The following KITLG variants were observed in gnomAD, a reference collection of about 807,000 sequenced individuals.
KITLG encodes KIT ligand, also known as c-Kit ligand.
A neutral mutation model predicts 34.1 loss-of-function variants in KITLG; 13 were observed. The observed-to-expected ratio is 0.38, with a 90% CI of 0.25 to 0.61. KITLG has a LOEUF of 0.61. KITLG is among the 20% of genes least tolerant of loss of function. The probability of loss-of-function intolerance (pLI) is 0.60; values close to 1 mark genes in which losing one functional copy is unlikely to be tolerated. For missense variants in KITLG, 292 were observed against 318.9 expected (o/e 0.92, Z 0.64); for synonymous variants, 110 against 104.0 (o/e 1.06, Z -0.35).
At chr12:88,553,608 G>A (rs1022050464) in intron 1 of KITLG, among the ~76,000 whole-genome samples, 3 of 152,004 alleles carry the variant, frequency 2.0e-5, no homozygotes, top group Non-Finnish European at 4.4e-5. Context: ...GGTAGTTCTC[G>A]ATTTTTGTTT....
Position 88,495,305 on chromosome 12 carries a change from C to T in KITLG, c.*1914G>A, listed in dbSNP as rs892438794. On this transcript the variant is annotated 3_prime_UTR_variant, in exon 10 of 10. Coordinates refer to ENST00000644744, the MANE Select transcript of KITLG (RefSeq NM_000899.5). ...GAAGTATCTATCTTCTCAATCTATA[C>T]ACAACCTACACGCATAACTCATATT... 2 of 152,004 alleles carry T rather than the reference C, an allele frequency of 1.3e-5. No individual in the cohort carries two copies. The highest frequency in any genetic ancestry group is 6.6e-5 in the Admixed American group (1 of 15,234). The allele number at this position is 152,004 out of a possible 1,614,324, so 9.4% of individuals were successfully genotyped here. A position where few individuals can be genotyped will look rare whatever the true frequency, so the allele number is the denominator to read the frequency against.
intron 6 of KITLG, among the ~76,000 whole-genome samples, chr12:88,509,037 G>GC (rs1431692650): frequency 1.3e-5 from 2 of 151,984 alleles, no homozygotes; most frequent in African/African-American, 4.8e-5. Context: ...ATCTGCTGTG[G>GC]CCCCCATTAT....
intron 3 of KITLG, among the ~76,000 whole-genome samples, chr12:88,526,716 A>T (rs1159178843): frequency 6.6e-6 from 1 of 152,200 alleles, no homozygotes; most frequent in Non-Finnish European, 1.5e-5. Flanking sequence ...AAAATCTAAA[A>T]GAATCAGGTG....
intron 1 of KITLG, among the ~76,000 whole-genome samples, chr12:88,549,381 C>T (rs143330822): frequency 5.9e-5 from 9 of 152,076 alleles, no homozygotes; most frequent in Middle Eastern, 3.4e-3. Flanking sequence ...AAAATGAAAC[C>T]GACAAGTTGG....
chr12:88,570,166 A>G lies in KITLG; in HGVS notation c.15+10098T>C, dbSNP rs532582416. Reference sequence around the variant, plus strand: ...AAAATCTGCCCTCTGCCAACAAAGTACCACTTTATTTGAAAGACAGAAAGC... The same window carrying G: ...AAAATCTGCCCTCTGCCAACAAAGTGCCACTTTATTTGAAAGACAGAAAGC... On this transcript the variant is annotated intron_variant, in intron 1 of 9. Coordinates refer to ENST00000644744, the MANE Select transcript of KITLG (RefSeq NM_000899.5). 7.9e-5 allele frequency among the ~76,000 whole-genome samples: 12 copies of G among 152,334 alleles called. 1 individual carries two copies. The South Asian group carries it at 2.3e-3, about 29-fold the overall frequency.
rs941405004 is a variant in KITLG at position 88,496,594 on chromosome 12, G to C, written c.*625C>G. 1 of 152,358 alleles carries C rather than the reference G, an allele frequency of 6.6e-6. No homozygotes were observed. Among genetic ancestry groups the C allele is most frequent in the Non-Finnish European group, 1.5e-5 (1 of 68,040 alleles). 9.4% of individuals were successfully genotyped at this position (152,358 alleles called of 1,614,324 possible). A position where few individuals can be genotyped will look rare whatever the true frequency, so the allele number is the denominator to read the frequency against. ...TGCATTTGTATAGTGGGATATGGGTGAGCATGGTTTACATCAGGAAGAGAT... is the reference window on the plus strand; with the variant it reads ...TGCATTTGTATAGTGGGATATGGGTCAGCATGGTTTACATCAGGAAGAGAT... On this transcript the variant is annotated 3_prime_UTR_variant, in exon 10 of 10. Transcript: ENST00000644744.
At position 88,566,424 on chromosome 12, in the gene KITLG, A is replaced by C. The variant is rs951034646; in HGVS notation, c.15+13840T>G. ...AGGTAAGTAAAAAAATAACTTCAAT[A>C]TAATGTGATAAGTGATATGATTGTT... On this transcript the variant is annotated intron_variant, in intron 1 of 9. Transcript: ENST00000644744. Among the ~76,000 whole-genome samples, 23 of 152,350 alleles carry C rather than the reference A, an allele frequency of 1.5e-4. 1 individual carries two copies. Among genetic ancestry groups the C allele is most frequent in the Middle Eastern group, 6.8e-3 (2 of 294 alleles).
chr12:88,568,610 T>C (rs1871534753), intron 1 of KITLG, among the ~76,000 whole-genome samples: 1 of 152,138 alleles, frequency 6.6e-6, no homozygotes, highest in African/African-American at 2.4e-5. Flanking sequence ...TCTCATTCTG[T>C]CTAACTCCAA....
At chr12:88,548,681 C>T (rs982959388) in intron 1 of KITLG, among the ~76,000 whole-genome samples, 2 of 152,118 alleles carry the variant, frequency 1.3e-5, no homozygotes, top group Non-Finnish European at 2.9e-5. Flanking sequence ...GCTACCCCCA[C>T]CAGTACCAGT....
At chr12:88,509,670 A>G (rs1172862500) in intron 6 of KITLG, among the ~76,000 whole-genome samples, 1 of 152,166 alleles carries the variant, frequency 6.6e-6, no homozygotes, top group Non-Finnish European at 1.5e-5. Flanking sequence ...CCCATAGGTT[A>G]CTGAGCTTCA....
rs1225530696 is a variant in KITLG at position 88,499,176 on chromosome 12, C to A, written c.*38-1995G>T. On this transcript the variant is annotated intron_variant, in intron 9 of 9. Coordinates refer to ENST00000644744, the MANE Select transcript of KITLG (RefSeq NM_000899.5). Reference sequence around the variant, plus strand: ...CATCTAGTATTCTACACCAAAGAGTCAAGGCTTGAATCCAAGCCTAATCCT... The same window carrying A: ...CATCTAGTATTCTACACCAAAGAGTAAAGGCTTGAATCCAAGCCTAATCCT... Among the ~76,000 whole-genome samples the A allele has an allele frequency of 2.0e-5, 3 of 152,074 alleles. No individual in the cohort carries two copies. In the East Asian group the frequency reaches 5.8e-4, roughly 29 times the overall value.
At chr12:88,565,523 G>A (rs539397397) in intron 1 of KITLG, among the ~76,000 whole-genome samples, 1 of 152,256 alleles carries the variant, frequency 6.6e-6, no homozygotes, top group South Asian at 2.1e-4. Flanking sequence ...TACTCAGGAG[G>A]CTGAGGCAGG....
At chr12:88,545,442 G>A (rs1566029580) in intron 2 of KITLG, among the ~76,000 whole-genome samples, 2 of 152,166 alleles carry the variant, frequency 1.3e-5, no homozygotes, top group Non-Finnish European at 1.5e-5. Flanking sequence ...AACAAGCTGG[G>A]GCAAGCCCAT....
intron 2 of KITLG, among the ~76,000 whole-genome samples, chr12:88,535,185 T>C (rs532048821): frequency 6.6e-6 from 1 of 152,284 alleles, no homozygotes; most frequent in South Asian, 2.1e-4. Context: ...GAATAATTTA[T>C]ATACAAATAT....
At chr12:88,521,811 T>C (rs186524634) in intron 3 of KITLG, among the ~76,000 whole-genome samples, 5 of 152,310 alleles carry the variant, frequency 3.3e-5, no homozygotes, top group Admixed American at 1.3e-4. Context: ...TCTTACCTTC[T>C]TTCTTGATAG....
intron 1 of KITLG, among the ~76,000 whole-genome samples, chr12:88,548,982 G>C (rs1870807155): frequency 6.6e-6 from 1 of 152,164 alleles, no homozygotes. Flanking sequence ...ATTGATAAGT[G>C]TCTCATTAAG....
chr12:88,516,232 C>A, intron 5 of KITLG, 102 bp downstream of exon 5: 1 of 932,978 alleles, frequency 1.1e-6, no homozygotes, highest in South Asian at 1.3e-5. Flanking sequence ...GACGTACATG[C>A]ATGTATCTTG....
intron 6 of KITLG, among the ~76,000 whole-genome samples, chr12:88,509,044 T>A (rs1280760172): frequency 6.6e-6 from 1 of 152,190 alleles, no homozygotes; most frequent in East Asian, 1.9e-4. Flanking sequence ...GTGGCCCCCA[T>A]TATCTATTGG....
Position 88,492,914 on chromosome 12 carries a change from A to C in KITLG, c.*4305T>G, listed in dbSNP as rs530277497. On this transcript the variant is annotated 3_prime_UTR_variant, in exon 10 of 10. Coordinates refer to ENST00000644744, the MANE Select transcript of KITLG (RefSeq NM_000899.5). ...CACCTATTTTAAAAAGTACACATACAGTATATACACATACACATCACATTT... is the reference window on the plus strand; with the variant it reads ...CACCTATTTTAAAAAGTACACATACCGTATATACACATACACATCACATTT... 6.6e-6 allele frequency: 1 copy of C among 152,532 alleles called. No individual in the cohort carries two copies. Among genetic ancestry groups the C allele is most frequent in the African/African-American group, 2.4e-5 (1 of 41,558 alleles). 9.4% of individuals were successfully genotyped at this position (152,532 alleles called of 1,614,324 possible).
Sources: gnomAD v4.1 joint callset for allele counts (sites outside exome capture counted in the v4.1 genomes callset) on GRCh38, gnomAD v4.1.1 for gene constraint, MANE v1.5 for transcripts, NCBI Gene and HGNC (gene_info 2026-07-23, HGNC 2026-07-21) for gene names.